CWF19L1: variants seen among roughly 807,000 people sequenced by gnomAD.
CWF19L1 encodes CWF19 like cell cycle control factor 1, also known as CWF19-like protein 1.
A neutral mutation model predicts 69.7 loss-of-function variants in CWF19L1; 60 were observed. The ratio of observed to expected loss-of-function variants is 0.86; its 90% CI spans 0.70 to 1.07. The LOEUF (loss-of-function observed/expected upper bound fraction) is 1.07. Ranked by LOEUF, CWF19L1 falls within the 50% of genes least tolerant of loss-of-function variation. The pLI is 0.00. For synonymous variants in CWF19L1, 209 were observed against 222.2 expected (o/e 0.94, Z 0.53); for missense variants, 591 against 638.9 (o/e 0.92, Z 0.81).
At chr10:100,256,558 C>T in intron 4 of CWF19L1, 82 bp from the exon 5 acceptor site, 1 of 1,042,776 alleles carries the variant, frequency 9.6e-7, no homozygotes, top group Non-Finnish European at 1.5e-6. Flanking sequence ...TCTCCCATGA[C>T]TCTCCTATGT....
intron 5 of CWF19L1, 186 bp from the exon 6 acceptor site, chr10:100,253,725 ACTAC>A: frequency 2.0e-6 from 1 of 512,464 alleles, no homozygotes; most frequent in East Asian, 3.1e-5. Flanking sequence ...AGGGAGCTGA[ACTAC>A]TATGAATGTA....
At chr10:100,239,271 C>T (rs1297054969) in intron 10 of CWF19L1, among the ~76,000 whole-genome samples, 1 of 152,216 alleles carries the variant, frequency 6.6e-6, no homozygotes, top group Non-Finnish European at 1.5e-5. Context: ...CAGATATTCT[C>T]TGATGGGAAG....
At chr10:100,241,861 G>A (rs1846650082) in intron 10 of CWF19L1, among the ~76,000 whole-genome samples, 1 of 152,058 alleles carries the variant, frequency 6.6e-6, no homozygotes, top group African/African-American at 2.4e-5. Context: ...CCTCTTATTA[G>A]GCCCCACCTC....
intron 4 of CWF19L1, among the ~76,000 whole-genome samples, chr10:100,259,078 G>A (rs1847307886): frequency 6.6e-6 from 1 of 151,746 alleles, no homozygotes; most frequent in South Asian, 2.1e-4. Flanking sequence ...GTGCGTGCCT[G>A]TAATCCCAGC....
chr10:100,267,186 C>T (rs1031223617), intron 1 of CWF19L1, among the ~76,000 whole-genome samples: 7 of 145,388 alleles, frequency 4.8e-5, no homozygotes, highest in Non-Finnish European at 9.0e-5. Flanking sequence ...AGGGAAGGGT[C>T]CCTATCTACT....
chr10:100,253,498 G>A lies in CWF19L1; in HGVS notation c.546C>T (p.Ser182=). The stretch of plus-strand genomic sequence containing the variant: ...TTGGTTTCAAGCCCGTGGCAAGACT[G>A]GAAACCAAAGCAGAACCACATTTTT... ...DTKKCGSALV[S]SLATGLKPRY... Residue 182 remains serine (S), a synonymous_variant, in exon 6 of 14, where the codon TCC becomes TCT. Transcript: ENST00000354105. The A allele has an allele frequency of 1.2e-6, 2 of 1,613,956 alleles. No homozygotes were observed. The highest frequency in any genetic ancestry group is 4.5e-5 in the East Asian group (2 of 44,862).
At chr10:100,251,948 T>C (rs1017057867) in intron 6 of CWF19L1, among the ~76,000 whole-genome samples, 1 of 152,174 alleles carries the variant, frequency 6.6e-6, no homozygotes, top group Admixed American at 6.5e-5. Flanking sequence ...CTAGAATGAG[T>C]ATATGGAGAT....
intron 1 of CWF19L1, among the ~76,000 whole-genome samples, chr10:100,266,293 G>A (rs1055859453): frequency 2.0e-5 from 3 of 150,972 alleles, no homozygotes; most frequent in Non-Finnish European, 2.9e-5. Context: ...CCAGGCTCAG[G>A]TGGTCCACCT....
chr10:100,243,844 A>C, intron 9 of CWF19L1, 67 bp from the exon 10 acceptor site: 2 of 1,290,682 alleles, frequency 1.5e-6, no homozygotes, highest in Non-Finnish European at 2.3e-6. Context: ...ACCCCACAGA[A>C]CTCAGCTTTG....
chr10:100,257,287 CT>C (rs55939570), intron 4 of CWF19L1, among the ~76,000 whole-genome samples: 712 of 105,814 alleles, frequency 6.7e-3, no homozygotes, highest in African/African-American at 0.018. Context: ...AGTGCTTTAC[CT>C]TTTTTTTTTT....
At chr10:100,241,151 C>T (rs570825478) in intron 10 of CWF19L1, among the ~76,000 whole-genome samples, 21 of 151,824 alleles carry the variant, frequency 1.4e-4, no homozygotes, top group Admixed American at 7.9e-4. Flanking sequence ...GGATTGCAGG[C>T]GCCCGCCACC....
chr10:100,246,894 A>C lies in CWF19L1; in HGVS notation c.750T>G (p.Asp250Glu). The C allele has an allele frequency of 1.2e-6, 2 of 1,613,802 alleles. No individual in the cohort carries two copies. Among genetic ancestry groups the C allele is most frequent in the South Asian group, 2.2e-5 (2 of 91,052 alleles). The change falls in exon 8 of 14, where the codon GAT (aspartate) becomes GAG (glutamate). Residue 250 changes from aspartate to glutamate, a missense_variant. Coordinates refer to ENST00000354105, the MANE Select transcript of CWF19L1 (RefSeq NM_018294.6). ...AFSIVPMKLMDAAELVKQPPD... is the reference protein window; with the variant it reads ...AFSIVPMKLMEAAELVKQPPD... ...GAGGCTGTTTTACCAGTTCTGCTGC[A>C]TCCATTAGCTTCATGGGAACAATAC...
intron 2 of CWF19L1, 123 bp downstream of exon 2, chr10:100,261,856 C>A: frequency 1.3e-6 from 1 of 745,968 alleles, no homozygotes; most frequent in Non-Finnish European, 2.1e-6. Context: ...TTCCTATGCT[C>A]ATGAAGGGAA....
intron 10 of CWF19L1, among the ~76,000 whole-genome samples, chr10:100,242,586 A>G (rs1057452210): frequency 3.9e-5 from 6 of 151,996 alleles, no homozygotes; most frequent in Non-Finnish European, 8.8e-5. Context: ...AGGCAGGAGA[A>G]TCACTTGAAC....
chr10:100,252,544 T>A (rs1030886178), intron 6 of CWF19L1, among the ~76,000 whole-genome samples: 1 of 150,928 alleles, frequency 6.6e-6, no homozygotes, highest in Non-Finnish European at 1.5e-5. Context: ...TAAAAAAAAA[T>A]ATTTTCTTGG....
chr10:100,246,170 T>C (rs1846813500), intron 8 of CWF19L1: 1 of 387,434 alleles, frequency 2.6e-6, no homozygotes, highest in Non-Finnish European at 4.7e-6. Flanking sequence ...ATAAAGTAAT[T>C]CTTGCCTAAA....
intron 13 of CWF19L1, chr10:100,233,808 G>A (rs1846349825): frequency 6.7e-6 from 1 of 149,032 alleles, no homozygotes. Flanking sequence ...GAGGTACAGA[G>A]ATAACACAGT....
At position 100,243,303 on chromosome 10, in the gene CWF19L1, A is replaced by G. The variant is rs1284256829; in HGVS notation, c.1044+395T>C. The stretch of plus-strand genomic sequence containing the variant: ...GAATATGATTTGGCAATAAAAAGGA[A>G]TGAAATACTGATACATGCTGCAACA... On this transcript the variant is annotated intron_variant, in intron 10 of 13. Transcript: ENST00000354105. 3.3e-5 allele frequency among the ~76,000 whole-genome samples: 5 copies of G among 152,350 alleles called. No homozygotes were observed. The East Asian group carries it at 7.7e-4, about 23-fold the overall frequency.
At chr10:100,235,590 A>T in intron 13 of CWF19L1, 77 bp downstream of exon 13, 1 of 1,014,604 alleles carries the variant, frequency 9.9e-7, no homozygotes, top group Non-Finnish European at 1.5e-6. Context: ...TTAGCTTTTT[A>T]TCAATTGTCC....
Sources: gnomAD v4.1 joint callset for allele counts (sites outside exome capture counted in the v4.1 genomes callset) on GRCh38, gnomAD v4.1.1 for gene constraint, MANE v1.5 for transcripts, NCBI Gene and HGNC (gene_info 2026-07-23, HGNC 2026-07-21) for gene names.